GRID2: variants seen among roughly 807,000 people sequenced by gnomAD.
The protein encoded by GRID2 is glutamate ionotropic receptor delta type subunit 2, also known as glutamate receptor ionotropic, delta-2.
A neutral mutation model predicts 114.8 loss-of-function variants in GRID2; 33 were observed. That is an observed-to-expected ratio of 0.29 (90% CI 0.22 to 0.38). The LOEUF (loss-of-function observed/expected upper bound fraction) is 0.38, where lower values mean the gene tolerates loss of function less well. Ranked by LOEUF, GRID2 falls within the 10% of genes least tolerant of loss-of-function variation. The probability of loss-of-function intolerance (pLI) is 1.00; values close to 1 mark genes in which losing one functional copy is unlikely to be tolerated. For synonymous variants in GRID2, 505 were observed against 449.9 expected (o/e 1.12, Z -1.55); for missense variants, 1,184 against 1,257.7 (o/e 0.94, Z 0.89).
chr4:93,316,547 A>G (rs1756684727), intron 8 of GRID2, among the ~76,000 whole-genome samples: 1 of 152,182 alleles, frequency 6.6e-6, no homozygotes, highest in African/African-American at 2.4e-5. Context: ...TTTCAGTGAA[A>G]GAAGAGAGAA....
chr4:93,482,022 A>G (rs891002687), intron 11 of GRID2, among the ~76,000 whole-genome samples: 1 of 152,106 alleles, frequency 6.6e-6, no homozygotes, highest in Non-Finnish European at 1.5e-5. Flanking sequence ...ATTGCATTCA[A>G]TAGAAAATAA....
chr4:92,659,197 A>C (rs1732402814), intron 2 of GRID2, among the ~76,000 whole-genome samples: 1 of 151,766 alleles, frequency 6.6e-6, no homozygotes, highest in Non-Finnish European at 1.5e-5. Context: ...AATCATATAA[A>C]GCCAAATGAG....
chr4:92,537,788 T>G (rs62914860), intron 1 of GRID2, among the ~76,000 whole-genome samples: 8 of 66,840 alleles, frequency 1.2e-4, no homozygotes, highest in South Asian at 5.8e-4. Flanking sequence ...ACTTGCGGTG[T>G]GTGTGTGTGT....
At chr4:93,530,284 A>G (rs1731312544) in intron 13 of GRID2, among the ~76,000 whole-genome samples, 1 of 152,168 alleles carries the variant, frequency 6.6e-6, no homozygotes, top group Non-Finnish European at 1.5e-5. Flanking sequence ...TCTCTAGTGC[A>G]AATTGTTTAT....
rs1290308092 is a variant in GRID2, at chr4:92,611,655, A to G, written c.244+21369A>G. 2.6e-5 allele frequency among the ~76,000 whole-genome samples: 4 copies of G among 151,664 alleles called. No individual in the cohort carries two copies. The East Asian group carries it at 5.9e-4, about 22-fold the overall frequency. ...TTATGTAACTGGACAGCTGTGTACT[A>G]TTTCACATTCCCACCAATTTCTTCA... On this transcript the variant is annotated intron_variant, in intron 2 of 15. Coordinates refer to ENST00000282020, the MANE Select transcript of GRID2 (RefSeq NM_001510.4).
chr4:92,972,600 A>T (rs537966648), intron 2 of GRID2, among the ~76,000 whole-genome samples: 7 of 148,792 alleles, frequency 4.7e-5, no homozygotes, highest in Admixed American at 2.0e-4. Flanking sequence ...CAGGAAAATA[A>T]TTTTTTTTTT....
At chr4:93,707,860 G>A (rs1489906024) in intron 14 of GRID2, among the ~76,000 whole-genome samples, 4 of 151,744 alleles carry the variant, frequency 2.6e-5, no homozygotes, top group African/African-American at 9.7e-5. Context: ...TACTTTTGCT[G>A]TATTCCAAAG....
chr4:93,207,323 C>A, intron 4 of GRID2, 81 bp from the exon 5 acceptor site: 2 of 948,474 alleles, frequency 2.1e-6, no homozygotes, highest in South Asian at 1.3e-5. Context: ...CATTTTTTGT[C>A]ATTTGCAAAG....
At chr4:93,498,626 T>C (rs1727795888) in intron 12 of GRID2, among the ~76,000 whole-genome samples, 1 of 151,878 alleles carries the variant, frequency 6.6e-6, no homozygotes, top group East Asian at 1.9e-4. Context: ...ATTTCCTAGG[T>C]ATAATTTGTA....
intron 8 of GRID2, among the ~76,000 whole-genome samples, chr4:93,339,265 A>T (rs986730686): frequency 2.0e-5 from 3 of 152,214 alleles, no homozygotes; most frequent in Non-Finnish European, 4.4e-5. Flanking sequence ...CTTTATTTGG[A>T]AATAGTGTCC....
At chr4:93,120,163 C>T (rs1347092866) in intron 4 of GRID2, among the ~76,000 whole-genome samples, 1 of 152,150 alleles carries the variant, frequency 6.6e-6, no homozygotes, top group African/African-American at 2.4e-5. Flanking sequence ...TAAATTAGTT[C>T]AACCATTGTG....
At chr4:93,482,213 A>G (rs1725941974) in intron 11 of GRID2, among the ~76,000 whole-genome samples, 1 of 152,058 alleles carries the variant, frequency 6.6e-6, no homozygotes, top group Non-Finnish European at 1.5e-5. Flanking sequence ...ATTATAAATC[A>G]TTTTACTATA....
intron 13 of GRID2, among the ~76,000 whole-genome samples, chr4:93,537,151 G>A (rs1386915079): frequency 6.6e-6 from 1 of 151,680 alleles, no homozygotes; most frequent in Non-Finnish European, 1.5e-5. Context: ...GAAAGCTAAA[G>A]TGTTTATATA....
chr4:93,140,711 T>C (rs973560698), intron 4 of GRID2, among the ~76,000 whole-genome samples: 2 of 152,214 alleles, frequency 1.3e-5, no homozygotes, highest in African/African-American at 2.4e-5. Flanking sequence ...ATGTCTTCTC[T>C]GATACTAACT....
At chr4:93,132,438 T>C (rs1470750050) in intron 4 of GRID2, among the ~76,000 whole-genome samples, 1 of 152,136 alleles carries the variant, frequency 6.6e-6, no homozygotes, top group African/African-American at 2.4e-5. Flanking sequence ...TCCTGGCTGA[T>C]TTTAAACACC....
intron 2 of GRID2, among the ~76,000 whole-genome samples, chr4:92,860,801 CAATATTA>C (rs1382582608): frequency 1.3e-5 from 2 of 152,036 alleles, no homozygotes; most frequent in East Asian, 3.9e-4. Flanking sequence ...AGGCAGTTAT[CAATATTA>C]AATATTTATC....
intron 8 of GRID2, among the ~76,000 whole-genome samples, chr4:93,308,698 T>G (rs927548739): frequency 1.3e-5 from 2 of 152,174 alleles, no homozygotes; most frequent in South Asian, 2.1e-4. Flanking sequence ...TTTGGAGAAT[T>G]TACTGAAAAC....
chr4:93,744,855 TAC>T (rs1731711251), intron 14 of GRID2, among the ~76,000 whole-genome samples: 1 of 152,168 alleles, frequency 6.6e-6, no homozygotes, highest in Admixed American at 6.6e-5. Context: ...CAAGAATGGC[TAC>T]AGCCACTCCA....
downstream of GRID2, among the ~76,000 whole-genome samples, chr4:93,778,378 G>C (rs1410875043): frequency 6.9e-6 from 1 of 145,614 alleles, no homozygotes; most frequent in East Asian, 2.1e-4. Context: ...CATATGTTCA[G>C]CTTATCTCAT....
Sources: gnomAD v4.1 joint callset for allele counts (sites outside exome capture counted in the v4.1 genomes callset) on GRCh38, gnomAD v4.1.1 for gene constraint, MANE v1.5 for transcripts, NCBI Gene and HGNC (gene_info 2026-07-23, HGNC 2026-07-21) for gene names.